Variants in CDH26 observed in about 807,000 individuals in gnomAD.
CDH26 encodes cadherin-like protein 26.
In CDH26, 83 loss-of-function variants were observed where a neutral mutation model predicts 90.3. That is an observed-to-expected ratio of 0.92 (90% confidence interval 0.77 to 1.10). CDH26 has a LOEUF of 1.10. Ranked by LOEUF, CDH26 falls within the 50% of genes least tolerant of loss-of-function variation. The pLI is 0.00. For synonymous variants in CDH26, 397 were observed against 396.3 expected (o/e 1.00, Z -0.02); for missense variants, 1,013 against 1,037.6 (o/e 0.98, Z 0.33).
chr20:60,033,302 A>C (rs2052595271), intron 8 of CDH26, among the ~76,000 whole-genome samples: 1 of 152,186 alleles, frequency 6.6e-6, no homozygotes, highest in Admixed American at 6.5e-5. Flanking sequence ...CTTTGTAATA[A>C]GATTTTTGGT....
chr20:60,021,280 C>T (rs1158647438), intron 7 of CDH26, among the ~76,000 whole-genome samples: 1 of 152,196 alleles, frequency 6.6e-6, no homozygotes, highest in East Asian at 1.9e-4. Flanking sequence ...TCAAATATAG[C>T]ACACTGTCTG....
chr20:59,978,730 T>C (rs2061355688), intron 4 of CDH26, among the ~76,000 whole-genome samples: 1 of 152,112 alleles, frequency 6.6e-6, no homozygotes, highest in Non-Finnish European at 1.5e-5. Flanking sequence ...TTTTGTACAA[T>C]ATATGAAAAA....
intron 1 of CDH26, among the ~76,000 whole-genome samples, chr20:59,967,481 A>G (rs1421106065): frequency 6.6e-6 from 1 of 152,182 alleles, no homozygotes. Flanking sequence ...TGAATACCCA[A>G]TCTTAGTTCC....
At chr20:59,969,937 T>C in intron 2 of CDH26, 145 bp from the exon 3 acceptor site, 3 of 1,272,620 alleles carry the variant, frequency 2.4e-6, no homozygotes, top group African/African-American at 1.5e-5. Flanking sequence ...ACTTGGGTTT[T>C]CCAAGCTTAG....
chr20:60,032,790 T>C (rs1395447299), intron 8 of CDH26, among the ~76,000 whole-genome samples: 2 of 138,516 alleles, frequency 1.4e-5, no homozygotes, highest in South Asian at 2.3e-4. Context: ...TAGGTGGGAA[T>C]TGAACAATGA....
chr20:59,995,830 C>G lies in CDH26; in HGVS notation c.1667-3C>G. 6.2e-7 allele frequency: 1 copy of G among 1,612,862 alleles called. No individual in the cohort carries two copies. The highest frequency in any genetic ancestry group is 8.5e-7 in the Non-Finnish European group (1 of 1,178,798). The stretch of plus-strand genomic sequence containing the variant: ...GCATGCCATGTTCTTTTTCCCTTTG[C>G]AGGTCAATCAGTTGAACTTTTAACC... On this transcript the variant is annotated splice_region_variant and splice_polypyrimidine_tract_variant and intron_variant, in intron 11 of 17. Transcript: ENST00000348616.
At chr20:59,966,449 G>A (rs1179142887) in intron 1 of CDH26, among the ~76,000 whole-genome samples, 4 of 152,160 alleles carry the variant, frequency 2.6e-5, no homozygotes, top group Non-Finnish European at 5.9e-5. Context: ...GAGTTCTCAA[G>A]CGATTACAGT....
At chr20:60,025,545 A>G (rs1437092701) in intron 7 of CDH26, among the ~76,000 whole-genome samples, 1 of 152,194 alleles carries the variant, frequency 6.6e-6, no homozygotes, top group African/African-American at 2.4e-5. Flanking sequence ...CCTTCGGGGT[A>G]AGCAGGTGGG....
chr20:60,033,001 T>TA (rs138384369), intron 8 of CDH26, among the ~76,000 whole-genome samples: 4,328 of 147,306 alleles, frequency 0.029, 145 homozygotes, highest in African/African-American at 0.078. Flanking sequence ...AGTATAATAA[T>TA]AAAAAAAAAA....
At chr20:60,001,247 A>T in intron 14 of CDH26, 96 bp from the exon 15 acceptor site, 1 of 1,442,526 alleles carries the variant, frequency 6.9e-7, no homozygotes, top group Non-Finnish European at 9.6e-7. Flanking sequence ...TGAATATATG[A>T]GCAAGGGGAA....
downstream of CDH26, among the ~76,000 whole-genome samples, chr20:60,017,840 C>T (rs1258252984): frequency 1.3e-5 from 2 of 151,940 alleles, no homozygotes; most frequent in African/African-American, 4.8e-5. Flanking sequence ...ATTTTAAAAT[C>T]TCATTCTTAA....
chr20:59,967,959 CTTTCTTTCTTTCTT>C (rs2061192388), intron 1 of CDH26, among the ~76,000 whole-genome samples: 1 of 21,356 alleles, frequency 4.7e-5, no homozygotes, highest in African/African-American at 1.4e-4. Flanking sequence ...TTCTTTCTAT[CTTTCTTTCTTTCTT>C]TCTTTCTTTC....
intron 7 of CDH26, among the ~76,000 whole-genome samples, chr20:60,027,532 C>A (rs557814857): frequency 1.3e-4 from 20 of 152,200 alleles, no homozygotes; most frequent in Admixed American, 1.2e-3. Context: ...GTATACTTTA[C>A]CCCTAAATAC....
downstream of CDH26, among the ~76,000 whole-genome samples, chr20:60,018,702 C>CTTTTGTTTTTTTTTTTTTTTTTTTTTTTT (rs2061926953): frequency 2.8e-4 from 5 of 17,814 alleles, no homozygotes; most frequent in African/African-American, 1.1e-3. Flanking sequence ...CTCTTACTGC[C>CTTTTGTTTTTTTTTTTTTTTTTTTTTTTT]TTTTTTTTTT....
intron 17 of CDH26, among the ~76,000 whole-genome samples, chr20:60,011,727 G>C (rs2061845378): frequency 6.6e-6 from 1 of 152,166 alleles, no homozygotes; most frequent in Non-Finnish European, 1.5e-5. Context: ...CTGTAACAGG[G>C]GGTGCGCACT....
At chr20:60,010,694 G>T (rs1199709934) in intron 17 of CDH26, among the ~76,000 whole-genome samples, 1 of 152,238 alleles carries the variant, frequency 6.6e-6, no homozygotes, top group Non-Finnish European at 1.5e-5. Flanking sequence ...TTTGTGCAGA[G>T]GGTGGACCTA....
chr20:59,980,281 A>G (rs980252962), intron 4 of CDH26, among the ~76,000 whole-genome samples: 7 of 148,770 alleles, frequency 4.7e-5, no homozygotes, highest in African/African-American at 1.8e-4. Flanking sequence ...TGCCCATTTT[A>G]AAATTGTATT....
chr20:60,027,296 T>C (rs2062005462), intron 7 of CDH26, among the ~76,000 whole-genome samples: 1 of 152,152 alleles, frequency 6.6e-6, no homozygotes, highest in South Asian at 2.1e-4. Flanking sequence ...CTGTTGTTTT[T>C]TTCCCTCGAT....
intron 8 of CDH26, among the ~76,000 whole-genome samples, chr20:60,032,986 C>G (rs2122803284): frequency 6.6e-6 from 1 of 151,694 alleles, no homozygotes; most frequent in South Asian, 2.1e-4. Flanking sequence ...TACCCTAAAA[C>G]TTAAAGTATA....
Sources: allele counts gnomAD v4.1 joint callset (sites outside exome capture counted in the v4.1 genomes callset), GRCh38; gene constraint gnomAD v4.1.1; transcripts MANE v1.5; gene names NCBI Gene and HGNC (gene_info 2026-07-23, HGNC 2026-07-21).